The following PDCD11 variants were observed in gnomAD, a reference collection of about 807,000 sequenced individuals.
PDCD11 encodes the protein programmed cell death 11, also known as protein RRP5 homolog.
In PDCD11, 97 loss-of-function variants were observed where a neutral mutation model predicts 198.9. The observed-to-expected ratio is 0.49, with a 90% CI of 0.41 to 0.58. PDCD11 has a LOEUF of 0.58. PDCD11 is among the 20% of genes least tolerant of loss of function. The probability of loss-of-function intolerance (pLI) is 0.00; values close to 1 mark genes in which losing one functional copy is unlikely to be tolerated. For synonymous variants in PDCD11, 893 were observed against 918.0 expected (o/e 0.97, Z 0.49); for missense variants, 2,102 against 2,312.7 (o/e 0.91, Z 1.87).
At position 103,437,896 on chromosome 10, in the gene PDCD11, A is replaced by G. The variant is rs961907876; in HGVS notation, c.3846-119A>G. On this transcript the variant is annotated intron_variant, in intron 25 of 35. Coordinates refer to ENST00000369797, the MANE Select transcript of PDCD11 (RefSeq NM_014976.2). ...TTCAACAGAATGAAGAAACATGACC[A>G]GAGTCTCCTGTCTCCTCACTCCTGC... The G allele has an allele frequency of 2.0e-5, 15 of 756,006 alleles. No homozygotes were observed. The African/African-American group carries it at 2.6e-4, about 13-fold the overall frequency. 46.8% of individuals were successfully genotyped at this position (756,006 alleles called of 1,614,324 possible). A position where few individuals can be genotyped will look rare whatever the true frequency, so the allele number is the denominator to read the frequency against.
Position 103,440,818 on chromosome 10 carries a change from G to C in PDCD11, c.4525G>C (p.Glu1509Gln). The C allele has an allele frequency of 6.2e-7, 1 of 1,613,798 alleles. No homozygotes were observed. The highest frequency in any genetic ancestry group is 8.5e-7 in the Non-Finnish European group (1 of 1,179,836). ...GGACGTGTACTATCGGGAGGGAAAAGAGGAGGCAGAAGAGACGAATGTGCT... is the reference window on the plus strand; with the variant it reads ...GGACGTGTACTATCGGGAGGGAAAACAGGAGGCAGAAGAGACGAATGTGCT... ...LVDVYYREGKEEAEETNVLPK... is the reference protein window; with the variant it reads ...LVDVYYREGKQEAEETNVLPK... Residue 1509 changes from glutamate to glutamine, a missense_variant, in exon 30 of 36, where the codon GAG becomes CAG. Physicochemically the swap from Glu to Gln is conservative, Grantham distance 29 (BLOSUM62 2). Coordinates refer to ENST00000369797, the MANE Select transcript of PDCD11 (RefSeq NM_014976.2).
rs369557766 is a variant in PDCD11, at chr10:103,406,027, C to G, written c.607C>G (p.Leu203Val). The change falls in exon 6 of 36, where the codon CTA becomes GTA. Residue 203 changes from leucine to valine, a missense_variant. Coordinates refer to ENST00000369797, the MANE Select transcript of PDCD11 (RefSeq NM_014976.2). ...ATCCAGCCTGGAAGACCATGGCTAC[C>G]TAGTGGACATTGGTGTTGATGGGAC... ...TVSSLEDHGY[L>V]VDIGVDGTRA... 31 of 1,613,954 alleles carry G rather than the reference C, an allele frequency of 1.9e-5. No individual in the cohort carries two copies. Among genetic ancestry groups the G allele is most frequent in the Non-Finnish European group, 2.5e-5 (30 of 1,179,956 alleles).
chr10:103,436,476 G>A (rs2032160502), intron 25 of PDCD11, among the ~76,000 whole-genome samples: 1 of 152,222 alleles, frequency 6.6e-6, no homozygotes, highest in Non-Finnish European at 1.5e-5. Flanking sequence ...TGACAGTACA[G>A]TAGATGCCCT....
intron 12 of PDCD11, among the ~76,000 whole-genome samples, chr10:103,415,936 G>T (rs2031082782): frequency 1.3e-5 from 2 of 152,212 alleles, no homozygotes. Flanking sequence ...AGATTTTCCG[G>T]TATTCAGTTT....
chr10:103,439,829 AC>A lies in PDCD11; in HGVS notation c.4111del (p.Leu1371SerfsTer21). On this transcript the variant is annotated frameshift_variant, in exon 28 of 36. Coordinates refer to ENST00000369797, the MANE Select transcript of PDCD11 (RefSeq NM_014976.2). LOFTEE classifies it high-confidence loss of function. The stretch of plus-strand genomic sequence containing the variant: ...TCCAAGAAAGCCCTTTATAACAAAC[AC>A]CTCCCTGAAGGGAAGCTGCTCACAG... ...SPSKKALYNK[H>X]LPEGKLLTAR... is the part of the protein sequence containing the mutation. 1 of 1,613,662 alleles carries A rather than the reference AC, an allele frequency of 6.2e-7. No individual in the cohort carries two copies. The highest frequency in any genetic ancestry group is 8.5e-7 in the Non-Finnish European group (1 of 1,179,918).
chr10:103,405,402 C>A, intron 5 of PDCD11: 2 of 394,036 alleles, frequency 5.1e-6, no homozygotes, highest in Admixed American at 4.6e-5. Context: ...AAAGCAAGTC[C>A]AAATTTCTTT....
At chr10:103,442,601 TC>T in intron 32 of PDCD11, 141 bp downstream of exon 32, 1 of 830,936 alleles carries the variant, frequency 1.2e-6, no homozygotes, top group Non-Finnish European at 1.9e-6. Flanking sequence ...CCTCAGGCTT[TC>T]TGCCATAGCT....
At chr10:103,420,264 C>T (rs969849192) in intron 16 of PDCD11, among the ~76,000 whole-genome samples, 11 of 152,100 alleles carry the variant, frequency 7.2e-5, no homozygotes, top group African/African-American at 2.7e-4. Flanking sequence ...CCACACTACA[C>T]ATTGAAGGCC....
At chr10:103,405,454 G>C (rs180725921) in intron 5 of PDCD11, 1 of 299,424 alleles carries the variant, frequency 3.3e-6, no homozygotes, top group African/African-American at 2.2e-5. Context: ...GCCCAGGCTA[G>C]AAAGCAGTGG....
At chr10:103,400,711 C>T (rs1470380204) in intron 3 of PDCD11, among the ~76,000 whole-genome samples, 183 bp downstream of exon 3, 1 of 151,958 alleles carries the variant, frequency 6.6e-6, no homozygotes, top group Non-Finnish European at 1.5e-5. Context: ...TGATTTCCTT[C>T]CATTGCTAAC....
intron 20 of PDCD11, among the ~76,000 whole-genome samples, chr10:103,425,735 A>G (rs2031668892): frequency 6.6e-6 from 1 of 151,814 alleles, no homozygotes; most frequent in South Asian, 2.1e-4. Flanking sequence ...GCTGAAGTGC[A>G]GTGGTGTGAT....
rs1391429933 is a variant in PDCD11 at position 103,406,096 on chromosome 10, CAGA to C, written c.681_683del (p.Lys227del). On this transcript the variant is annotated inframe_deletion, in exon 6 of 36. Transcript: ENST00000369797. ...GCTGAAAGCCCAGGAGTACATCAGA[CAGA>C]AGAACAAAGGTGAGGGCAAGAAAAG... The C allele has an allele frequency of 1.9e-6, 3 of 1,614,012 alleles. No homozygotes were observed. The highest frequency in any genetic ancestry group is 1.7e-5 in the Admixed American group (1 of 60,018).
chr10:103,445,429 GTTC>G lies in PDCD11; in HGVS notation c.5503_5505del (p.Phe1835del), dbSNP rs755018593. 15 of 1,614,204 alleles carry G rather than the reference GTTC, an allele frequency of 9.3e-6. No individual in the cohort carries two copies. Among genetic ancestry groups the G allele is most frequent in the Admixed American group, 5.0e-5 (3 of 60,030 alleles). On this transcript the variant is annotated inframe_deletion, in exon 36 of 36. Coordinates refer to ENST00000369797, the MANE Select transcript of PDCD11 (RefSeq NM_014976.2). ...TGAGCTTGGCCCCCAAGAGAATGAA[GTTC>G]TTCTTCAAGCGCTACCTGGACTACG...
chr10:103,425,403 C>T lies in PDCD11; in HGVS notation c.3183C>T (p.Gly1061=). The change falls in exon 20 of 36, where the codon GGC becomes GGT. Residue 1061 remains glycine, a synonymous_variant. Transcript: ENST00000369797. ...VVVTLEDGII[G]CIHASHILDD... ...TGACTCTGGAAGATGGCATTATTGG[C>T]TGTATCCATGCCTCCCACATTCTAG... 6.2e-7 allele frequency: 1 copy of T among 1,614,100 alleles called. No individual in the cohort carries two copies. Among genetic ancestry groups the T allele is most frequent in the Non-Finnish European group, 8.5e-7 (1 of 1,180,012 alleles).
chr10:103,437,819 A>C (rs2032214349), intron 25 of PDCD11, among the ~76,000 whole-genome samples, 196 bp from the exon 26 acceptor site: 1 of 152,136 alleles, frequency 6.6e-6, no homozygotes, highest in African/African-American at 2.4e-5. Flanking sequence ...ATAGACTAGT[A>C]AACTGAAGCC....
At chr10:103,407,953 A>C (rs1379576066) in intron 7 of PDCD11, among the ~76,000 whole-genome samples, 1 of 151,962 alleles carries the variant, frequency 6.6e-6, no homozygotes, top group East Asian at 1.9e-4. Flanking sequence ...TCCTGACCTT[A>C]AGTGATCTGC....
chr10:103,438,936 C>T (rs1037204205), intron 27 of PDCD11, 128 bp downstream of exon 27: 1 of 907,342 alleles, frequency 1.1e-6, no homozygotes, highest in Non-Finnish European at 1.7e-6. Context: ...TATGAGTCCC[C>T]ACTCATTTTT....
At chr10:103,411,787 A>G (rs1266861656) in intron 8 of PDCD11, among the ~76,000 whole-genome samples, 3 of 152,182 alleles carry the variant, frequency 2.0e-5, no homozygotes, top group Non-Finnish European at 2.9e-5. Context: ...TTTTCACCCT[A>G]TAAGCATTTG....
chr10:103,413,291 G>T lies in PDCD11; in HGVS notation c.1154G>T (p.Arg385Met). 6.2e-7 allele frequency: 1 copy of T among 1,614,208 alleles called. No individual in the cohort carries two copies. The highest frequency in any genetic ancestry group is 8.5e-7 in the Non-Finnish European group (1 of 1,180,026). ...TTCAAAAAGGCTGGGGCCACCTTTA[G>T]GCTGAAGGATGGGGTTCTGGCCTAT... ...GFFKKAGATF[R>M]LKDGVLAYAR... is the part of the protein sequence containing the mutation. The change falls in exon 9 of 36, where the codon AGG (arginine) becomes ATG (methionine). Residue 385 changes from arginine to methionine, a missense_variant. Physicochemically the swap from Arg to Met is moderately conservative, Grantham distance 91 (BLOSUM62 -1). Transcript: ENST00000369797.
Sources: gnomAD v4.1 joint callset for allele counts (sites outside exome capture counted in the v4.1 genomes callset) on GRCh38, gnomAD v4.1.1 for gene constraint, MANE v1.5 for transcripts, NCBI Gene and HGNC (gene_info 2026-07-23, HGNC 2026-07-21) for gene names.